The following NEK11 variants were observed in gnomAD, a reference collection of about 807,000 sequenced individuals.
The protein encoded by NEK11 is serine/threonine-protein kinase Nek11.
In NEK11, 72 loss-of-function variants were observed where a neutral mutation model predicts 80.7. The ratio of observed to expected loss-of-function variants is 0.89; its 90% confidence interval spans 0.74 to 1.08. The LOEUF (loss-of-function observed/expected upper bound fraction) is 1.08, where lower values mean the gene tolerates loss of function less well. NEK11 is among the 50% of genes least tolerant of loss of function. The pLI, the probability that NEK11 is intolerant of heterozygous loss-of-function variation, is 0.00. For missense variants in NEK11, 764 were observed against 763.6 expected, an observed-to-expected ratio of 1.00 and a Z score of -0.01; for synonymous variants, 251 against 260.7, an observed-to-expected ratio of 0.96 and a Z score of 0.36.
chr3:131,137,019 C>A (rs1221071722), intron 7 of NEK11, among the ~76,000 whole-genome samples: 2 of 152,150 alleles, frequency 1.3e-5, no homozygotes, highest in African/African-American at 4.8e-5. Flanking sequence ...CCAGATGGCT[C>A]TTTGATCTTG....
At chr3:131,295,729 A>G (rs2096586462) in intron 17 of NEK11, among the ~76,000 whole-genome samples, 1 of 152,106 alleles carries the variant, frequency 6.6e-6, no homozygotes, top group African/African-American at 2.4e-5. Flanking sequence ...GTTTTAATTG[A>G]GCAGATTCCC....
At chr3:131,274,210 T>C (rs1183142369) in intron 17 of NEK11, among the ~76,000 whole-genome samples, 1 of 148,448 alleles carries the variant, frequency 6.7e-6, no homozygotes, top group Non-Finnish European at 1.5e-5. Flanking sequence ...TATGCGGTGT[T>C]TGGTTTTTTG....
intron 4 of NEK11, 145 bp downstream of exon 4, chr3:131,080,733 T>A (rs2075129373): frequency 5.8e-6 from 4 of 688,596 alleles, no homozygotes; most frequent in African/African-American, 1.8e-5. Context: ...CAGCTAAGAA[T>A]GATTATCTGT....
At chr3:131,182,129 G>A (rs1457175764) in intron 14 of NEK11, among the ~76,000 whole-genome samples, 3 of 144,560 alleles carry the variant, frequency 2.1e-5, no homozygotes, top group Non-Finnish European at 3.0e-5. Flanking sequence ...AAGTGAAATA[G>A]CACATCTCCA....
At chr3:131,296,143 A>G (rs1318264774) in intron 17 of NEK11, among the ~76,000 whole-genome samples, 1 of 152,136 alleles carries the variant, frequency 6.6e-6, no homozygotes, top group Non-Finnish European at 1.5e-5. Context: ...ACCTGGCCCA[A>G]GTCTGCTTTC....
Position 131,228,622 on chromosome 3 carries a change from G to A in NEK11, c.1494G>A (p.Ala498=), listed in dbSNP as rs138864243. 1,138 of 1,613,638 alleles carry A rather than the reference G, an allele frequency of 7.1e-4. 3 individuals carry two copies. The highest frequency in any genetic ancestry group is 3.3e-3 in the Middle Eastern group (20 of 6,058). The part of the protein sequence containing the change: ...EESDEEEEEI[A]LERPEKEIRN... ...GTGATGAGGAGGAAGAAGAAATAGC[G>A]TTAGAAAGACCAGAGAAAGAAATCA... The change falls in exon 15 of 18, where the codon GCG becomes GCA. Residue 498 remains alanine (A), a synonymous_variant. Coordinates refer to ENST00000383366, the MANE Select transcript of NEK11 (RefSeq NM_024800.5).
chr3:131,334,665 T>C (rs1561596823), intron 17 of NEK11, among the ~76,000 whole-genome samples: 3 of 151,710 alleles, frequency 2.0e-5, no homozygotes, highest in Non-Finnish European at 4.4e-5. Context: ...TTCAAAAAAT[T>C]AATGAATCCA....
At chr3:131,035,394 A>G (rs141430806) in intron 3 of NEK11, among the ~76,000 whole-genome samples, 136 of 152,314 alleles carry the variant, frequency 8.9e-4, no homozygotes, top group African/African-American at 2.9e-3. Context: ...AAGCCAAAAA[A>G]GTCTGGGTCC....
At chr3:131,042,483 A>T (rs111519985) in intron 3 of NEK11, among the ~76,000 whole-genome samples, 2,070 of 152,264 alleles carry the variant, frequency 0.014, 43 homozygotes, top group African/African-American at 0.048. Context: ...CACAGTATAA[A>T]CAAAGCTGCC....
At chr3:131,213,574 C>A (rs1309981513) in intron 14 of NEK11, among the ~76,000 whole-genome samples, 1 of 152,100 alleles carries the variant, frequency 6.6e-6, no homozygotes, top group South Asian at 2.1e-4. Flanking sequence ...TAATTTAAAT[C>A]CTTCAGCTGT....
intron 5 of NEK11, among the ~76,000 whole-genome samples, chr3:131,118,030 G>T (rs1400406820): frequency 6.6e-6 from 1 of 152,182 alleles, no homozygotes; most frequent in Non-Finnish European, 1.5e-5. Flanking sequence ...AGTGGTGAGA[G>T]AGGGCATCCC....
chr3:131,226,745 G>A (rs1252920984), intron 14 of NEK11, among the ~76,000 whole-genome samples: 1 of 152,044 alleles, frequency 6.6e-6, no homozygotes, highest in East Asian at 1.9e-4. Context: ...ACTACTCGGT[G>A]AGGGTGCACT....
intron 11 of NEK11, among the ~76,000 whole-genome samples, chr3:131,162,746 A>C (rs74647801): frequency 0.017 from 2,553 of 152,286 alleles, 67 homozygotes; most frequent in African/African-American, 0.058. Context: ...GTGTGAAGGG[A>C]AAGATTAACT....
Position 131,337,951 on chromosome 3 carries a change from C to CT in NEK11, c.1719-11597dup, listed in dbSNP as rs564025004. ...CAAGTGCTTGGCATAAATTTTTTTT[C>CT]TTTTTTTTTGAAACGGAGTCTTGCT... On this transcript the variant is annotated intron_variant, in intron 17 of 17. Transcript: ENST00000383366. Among the ~76,000 whole-genome samples the CT allele has an allele frequency of 7.4e-3, 1,114 of 151,230 alleles. 9 individuals are homozygous for CT. The highest frequency in any genetic ancestry group is 1.0e-2 in the Non-Finnish European group (676 of 67,710).
chr3:131,218,365 T>G (rs541967571), intron 14 of NEK11, among the ~76,000 whole-genome samples: 1 of 152,300 alleles, frequency 6.6e-6, no homozygotes, highest in East Asian at 1.9e-4. Flanking sequence ...CTCAGTCTGC[T>G]CACACAGGGA....
chr3:131,301,937 GTCT>G (rs2096665508), intron 17 of NEK11, among the ~76,000 whole-genome samples: 2 of 152,022 alleles, frequency 1.3e-5, no homozygotes, highest in Admixed American at 1.3e-4. Context: ...ATGGTACCAG[GTCT>G]TCTTTATACA....
At chr3:131,036,526 A>G (rs2065673795) in intron 3 of NEK11, among the ~76,000 whole-genome samples, 1 of 152,218 alleles carries the variant, frequency 6.6e-6, no homozygotes, top group African/African-American at 2.4e-5. Context: ...AGCTGCAATA[A>G]CTTGTGAAAG....
intron 7 of NEK11, among the ~76,000 whole-genome samples, chr3:131,149,417 G>A (rs1372245503): frequency 6.6e-6 from 1 of 152,006 alleles, no homozygotes; most frequent in African/African-American, 2.4e-5. Context: ...TGTGAATAGT[G>A]CTACAATGAA....
chr3:131,152,635 T>C lies in NEK11; in HGVS notation c.802T>C (p.Leu268=). ...TTTTCTGTTTAAACATTACAGCATG[T>C]TGAACAAGAATCCTTCATTAAGACC... ...KELNAIMESM[L]NKNPSLRPSA... is the part of the protein sequence containing the mutation. Residue 268 remains leucine (L), a synonymous_variant, in exon 9 of 18, where the codon TTG becomes CTG. Coordinates refer to ENST00000383366, the MANE Select transcript of NEK11 (RefSeq NM_024800.5). The C allele has an allele frequency of 3.1e-6, 5 of 1,613,380 alleles. No homozygotes were observed. The highest frequency in any genetic ancestry group is 4.2e-6 in the Non-Finnish European group (5 of 1,179,658).
Sources: allele counts gnomAD v4.1 joint callset (sites outside exome capture counted in the v4.1 genomes callset), GRCh38; gene constraint gnomAD v4.1.1; transcripts MANE v1.5; gene names NCBI Gene and HGNC (gene_info 2026-07-23, HGNC 2026-07-21).